The following MSRB3 variants were observed in gnomAD, a reference collection of about 807,000 sequenced individuals.
MSRB3 encodes the protein methionine sulfoxide reductase B3, also known as methionine-R-sulfoxide reductase B3.
MSRB3 carries 13 observed loss-of-function variants against 21.0 expected under a neutral mutation model. The ratio of observed to expected loss-of-function variants is 0.62; its 90% CI spans 0.40 to 0.98. The LOEUF is 0.98. Ranked by LOEUF, MSRB3 falls within the 50% of genes least tolerant of loss-of-function variation. The pLI, the probability that MSRB3 is intolerant of heterozygous loss-of-function variation, is 0.00. For missense variants in MSRB3, 199 were observed against 230.3 expected (o/e 0.86, Z 0.88); for synonymous variants, 87 against 88.6 (o/e 0.98, Z 0.10).
intron 4 of MSRB3, among the ~76,000 whole-genome samples, chr12:65,358,118 A>T (rs1442686649): frequency 6.6e-6 from 1 of 151,512 alleles, no homozygotes. Context: ...ATTTATTATC[A>T]TTATTTTTCA....
rs1402539916 is a variant in MSRB3 at position 65,326,827 on chromosome 12, G to T, written c.78G>T (p.Gly26=). ...VALRACGLPS[G]SCRDKKNCKV... is the part of the protein sequence containing the mutation. ...CTCCCATATCCTCTCTCTTTTCAGG[G>T]TCGTGTAGGGATAAAAAGAACTGTA... The change falls in exon 3 of 7, where the codon GGG becomes GGT. Residue 26 remains glycine, a splice_region_variant and synonymous_variant. Coordinates refer to ENST00000308259, the MANE Select transcript of MSRB3 (RefSeq NM_001031679.3). 1 of 1,612,892 alleles carries T rather than the reference G, an allele frequency of 6.2e-7. No individual in the cohort carries two copies. The highest frequency in any genetic ancestry group is 2.2e-5 in the East Asian group (1 of 44,870).
chr12:65,373,834 A>G (rs1202593659), intron 5 of MSRB3, among the ~76,000 whole-genome samples: 3 of 152,176 alleles, frequency 2.0e-5, no homozygotes, highest in African/African-American at 7.2e-5. Flanking sequence ...GCGGAATCCA[A>G]GGAACAAAAA....
intron 4 of MSRB3, among the ~76,000 whole-genome samples, chr12:65,348,013 C>T (rs186168031): frequency 2.8e-4 from 42 of 152,194 alleles, no homozygotes; most frequent in African/African-American, 8.7e-4. Flanking sequence ...ATTTTTGCAT[C>T]GATGTTCATT....
intron 5 of MSRB3, among the ~76,000 whole-genome samples, chr12:65,411,537 T>G (rs1173989170): frequency 6.6e-6 from 1 of 152,138 alleles, no homozygotes; most frequent in Non-Finnish European, 1.5e-5. Context: ...ACCATATCTT[T>G]ATGATCGTTA....
Position 65,453,976 on chromosome 12 carries a change from T to A in MSRB3, c.390+151T>A, listed in dbSNP as rs932460321. 4.2e-6 allele frequency: 3 copies of A among 720,394 alleles called. No homozygotes were observed. In the African/African-American group the frequency reaches 5.2e-5, roughly 13 times the overall value. The allele number at this position is 720,394 out of a possible 1,614,324, so 44.6% of individuals were successfully genotyped here. On this transcript the variant is annotated intron_variant, in intron 6 of 6. Transcript: ENST00000308259. ...AGTCCGATGGATGCCTATGTTCAGG[T>A]GTTTAGCAAGTCTAGTGGAATGTTA...
At chr12:65,369,854 AT>A (rs1878221544) in intron 5 of MSRB3, among the ~76,000 whole-genome samples, 1 of 152,150 alleles carries the variant, frequency 6.6e-6, no homozygotes. Flanking sequence ...TACAAGTAAC[AT>A]TTTTACTCTG....
intron 1 of MSRB3, among the ~76,000 whole-genome samples, chr12:65,287,131 CT>C (rs368441408): frequency 0.014 from 1,704 of 124,726 alleles, 24 homozygotes; most frequent in African/African-American, 0.045. Context: ...TTTCATTTCT[CT>C]TTTTTTTTTT....
In MSRB3 at chr12:65,400,236, CT is replaced by C. The variant is rs560495606; in HGVS notation, c.292+31224del. On this transcript the variant is annotated intron_variant, in intron 5 of 6. Transcript: ENST00000308259. Reference sequence around the variant, plus strand: ...ATCAGTGAATCCATCTGGTCCTGGGCTTTTTTTTTTTTTTGGTTGGTAGGCT... The same window carrying C: ...ATCAGTGAATCCATCTGGTCCTGGGCTTTTTTTTTTTTTGGTTGGTAGGCT... Among the ~76,000 whole-genome samples the C allele has an allele frequency of 4.5e-3, 589 of 131,878 alleles. 2 individuals are homozygous for C. The highest frequency in any genetic ancestry group is 0.034 in the South Asian group (141 of 4,140). The allele number at this position is 131,878 out of a possible 152,430, so 86.5% of individuals were successfully genotyped here.
At chr12:65,423,872 A>G (rs1021981740) in intron 5 of MSRB3, among the ~76,000 whole-genome samples, 1 of 152,176 alleles carries the variant, frequency 6.6e-6, no homozygotes, top group Non-Finnish European at 1.5e-5. Context: ...ATGTATTCCC[A>G]TCTCTTCAAT....
At chr12:65,424,269 A>G (rs959878689) in intron 5 of MSRB3, among the ~76,000 whole-genome samples, 10 of 151,930 alleles carry the variant, frequency 6.6e-5, no homozygotes, top group South Asian at 2.1e-4. Flanking sequence ...TAAAAAACCA[A>G]CTTGGTTTCA....
At position 65,288,288 on chromosome 12, in the gene MSRB3, C is replaced by T. The variant is rs186804035; in HGVS notation, c.-52+9423C>T. On this transcript the variant is annotated intron_variant, in intron 1 of 6. Transcript: ENST00000308259. ...ACAGCACTCCAGCCTGGCAAGAGAG[C>T]GAGACCCCGTCCCCCCCGCAAAAAA... is the stretch of plus-strand genomic sequence containing the variant. Among the ~76,000 whole-genome samples the T allele has an allele frequency of 1.1e-3, 165 of 145,446 alleles. 3 individuals carry two copies. The highest frequency in any genetic ancestry group is 3.9e-3 in the African/African-American group (153 of 38,844).
intron 5 of MSRB3, among the ~76,000 whole-genome samples, chr12:65,453,377 T>C (rs573106032): frequency 1.3e-5 from 2 of 152,208 alleles, no homozygotes; most frequent in Admixed American, 6.5e-5. Context: ...GGAAGATTCA[T>C]AGTGCTTCAG....
intron 5 of MSRB3, among the ~76,000 whole-genome samples, chr12:65,424,669 A>C (rs1439384988): frequency 6.6e-6 from 1 of 151,926 alleles, no homozygotes; most frequent in Non-Finnish European, 1.5e-5. Flanking sequence ...TGGTTGGAAA[A>C]GATGCCTGAT....
At chr12:65,381,797 G>A (rs1273838411) in intron 5 of MSRB3, among the ~76,000 whole-genome samples, 1 of 151,866 alleles carries the variant, frequency 6.6e-6, no homozygotes, top group Non-Finnish European at 1.5e-5. Context: ...GAATATCTAT[G>A]TTTTAGATAT....
At chr12:65,421,762 G>C (rs1881309402) in intron 5 of MSRB3, among the ~76,000 whole-genome samples, 1 of 152,156 alleles carries the variant, frequency 6.6e-6, no homozygotes, top group Non-Finnish European at 1.5e-5. Context: ...ACCATTACCA[G>C]CTGATGCAAA....
chr12:65,397,812 T>C (rs1191212371), intron 5 of MSRB3, among the ~76,000 whole-genome samples: 1 of 152,138 alleles, frequency 6.6e-6, no homozygotes. Context: ...CCTATGTCCA[T>C]GTGTTCTCAT....
At chr12:65,448,594 G>A (rs1311248302) in intron 5 of MSRB3, among the ~76,000 whole-genome samples, 2 of 152,136 alleles carry the variant, frequency 1.3e-5, no homozygotes, top group East Asian at 1.9e-4. Flanking sequence ...TGTTCCATAT[G>A]TATATCTGTG....
intron 1 of MSRB3, among the ~76,000 whole-genome samples, chr12:65,295,278 G>C (rs900213673): frequency 6.6e-6 from 1 of 152,218 alleles, no homozygotes; most frequent in African/African-American, 2.4e-5. Context: ...TTCTACAGGA[G>C]AAACTTAGGA....
At chr12:65,330,612 C>T (rs951730668) in intron 4 of MSRB3, among the ~76,000 whole-genome samples, 1 of 152,114 alleles carries the variant, frequency 6.6e-6, no homozygotes, top group Non-Finnish European at 1.5e-5. Context: ...CATGACCACC[C>T]TTCTCCCACC....
Sources: allele counts gnomAD v4.1 joint callset (sites outside exome capture counted in the v4.1 genomes callset), GRCh38; gene constraint gnomAD v4.1.1; transcripts MANE v1.5; gene names NCBI Gene and HGNC (gene_info 2026-07-23, HGNC 2026-07-21).